Variants in LINGO2 observed in about 807,000 individuals in gnomAD.
LINGO2 encodes leucine-rich repeat and immunoglobulin-like domain-containing nogo receptor-interacting protein 2.
LINGO2 carries 14 observed loss-of-function variants against 30.6 expected under a neutral mutation model. The observed-to-expected ratio is 0.46, with a 90% CI of 0.30 to 0.72. The LOEUF is 0.72. Among genes scored for constraint, LINGO2 ranks in the 30% least tolerant of loss-of-function variants. LINGO2 has a pLI of 0.07. For synonymous variants in LINGO2, 317 were observed against 288.5 expected, an observed-to-expected ratio of 1.10 and a Z score of -1.00; for missense variants, 729 against 751.7, an observed-to-expected ratio of 0.97 and a Z score of 0.35.
At chr9:28,959,329 A>C in the LINGO2 span, among the ~76,000 whole-genome samples, 1 of 152,126 alleles carries the variant, frequency 6.6e-6, no homozygotes, top group East Asian at 1.9e-4. Flanking sequence ...TAAAGTAGAT[A>C]TAATAATTGG....
intron 2 of LINGO2, among the ~76,000 whole-genome samples, chr9:28,458,044 C>T (rs1824922159): frequency 6.6e-6 from 1 of 152,054 alleles, no homozygotes. Context: ...TGCTGTTCTG[C>T]TTAATAGTAT....
chr9:28,444,193 G>T (rs866994190), intron 2 of LINGO2, among the ~76,000 whole-genome samples: 1 of 152,158 alleles, frequency 6.6e-6, no homozygotes, highest in African/African-American at 2.4e-5. Context: ...CAAACAGTGG[G>T]AGGAAAGAAG....
the LINGO2 span, among the ~76,000 whole-genome samples, chr9:28,994,158 A>T: frequency 7.9e-5 from 12 of 152,168 alleles, no homozygotes; most frequent in African/African-American, 2.9e-4. Context: ...CTGATAAGCA[A>T]CTTCAGCAAA....
the LINGO2 span, among the ~76,000 whole-genome samples, chr9:28,865,505 G>T: frequency 6.6e-6 from 1 of 152,078 alleles, no homozygotes; most frequent in Non-Finnish European, 1.5e-5. Context: ...CACCCTGGCC[G>T]GGTGTGGTGG....
At chr9:29,021,288 G>A in the LINGO2 span, among the ~76,000 whole-genome samples, 10 of 152,182 alleles carry the variant, frequency 6.6e-5, no homozygotes, top group Non-Finnish European at 1.2e-4. Context: ...ATTTGAATGC[G>A]TCTGTGCCTC....
intron 4 of LINGO2, among the ~76,000 whole-genome samples, chr9:28,023,941 T>C (rs1343756737): frequency 6.6e-6 from 1 of 152,178 alleles, no homozygotes; most frequent in African/African-American, 2.4e-5. Flanking sequence ...ATGGTTCCAG[T>C]AGCATCTGTC....
At position 28,374,748 on chromosome 9, in the gene LINGO2, C is replaced by A. The variant is rs187350582; in HGVS notation, c.-278-1880G>T. ...AGCAGGTTTCAATATTCTATAATAA[C>A]CATTTTACTCCGCTTTCACAAATGA... On this transcript the variant is annotated intron_variant, in intron 2 of 5. Coordinates refer to ENST00000379992, the Ensembl canonical transcript of LINGO2. 6.6e-5 allele frequency among the ~76,000 whole-genome samples: 10 copies of A among 152,170 alleles called. No homozygotes were observed. In the East Asian group the frequency reaches 1.4e-3, roughly 21 times the overall value.
At chr9:29,051,277 T>C in the LINGO2 span, among the ~76,000 whole-genome samples, 1 of 152,132 alleles carries the variant, frequency 6.6e-6, no homozygotes, top group Non-Finnish European at 1.5e-5. Flanking sequence ...GCCCTAAAAA[T>C]CTTCCCTGTT....
At chr9:28,699,072 C>CAAAACAAAACAAAACAA in the LINGO2 span, among the ~76,000 whole-genome samples, 1 of 151,174 alleles carries the variant, frequency 6.6e-6, no homozygotes, top group African/African-American at 2.4e-5. Flanking sequence ...CAAAACAAAA[C>CAAAACAAAACAAAACAA]AACAAAAACA....
chr9:28,840,474 A>G, the LINGO2 span, among the ~76,000 whole-genome samples: 7 of 151,856 alleles, frequency 4.6e-5, no homozygotes, highest in Admixed American at 2.0e-4. Flanking sequence ...TTCTTCTATG[A>G]CATAACAACA....
At chr9:27,982,657 A>G (rs1445764464) in intron 5 of LINGO2, among the ~76,000 whole-genome samples, 1 of 151,908 alleles carries the variant, frequency 6.6e-6, no homozygotes, top group Non-Finnish European at 1.5e-5. Context: ...CTGTGATGTT[A>G]AAACTGAGTA....
the LINGO2 span, among the ~76,000 whole-genome samples, chr9:28,825,801 C>T: frequency 2.0e-5 from 3 of 152,098 alleles, no homozygotes. Flanking sequence ...CTAATTCATC[C>T]TACACTGTTC....
the LINGO2 span, among the ~76,000 whole-genome samples, chr9:29,160,686 C>A: frequency 1.3e-5 from 2 of 152,104 alleles, no homozygotes; most frequent in Non-Finnish European, 2.9e-5. Flanking sequence ...TGCTAAGGGA[C>A]AGATATATAT....
chr9:28,704,870 C>T, the LINGO2 span, among the ~76,000 whole-genome samples: 1 of 152,028 alleles, frequency 6.6e-6, no homozygotes, highest in Non-Finnish European at 1.5e-5. Flanking sequence ...AATTCCTGGT[C>T]TAATAATTCC....
the LINGO2 span, among the ~76,000 whole-genome samples, chr9:28,969,262 T>C: frequency 6.6e-6 from 1 of 152,204 alleles, no homozygotes; most frequent in Non-Finnish European, 1.5e-5. Context: ...GCACATCCCT[T>C]ATTGAAAAGG....
At chr9:27,993,029 A>G (rs1308831367) in intron 5 of LINGO2, among the ~76,000 whole-genome samples, 6 of 152,284 alleles carry the variant, frequency 3.9e-5, no homozygotes, top group African/African-American at 1.2e-4. Context: ...GTAGAAATCA[A>G]TCATTGTCTG....
intron 1 of LINGO2, among the ~76,000 whole-genome samples, chr9:28,649,816 GAAAC>G (rs1828009725): frequency 6.6e-6 from 1 of 152,038 alleles, no homozygotes; most frequent in Non-Finnish European, 1.5e-5. Flanking sequence ...TGCAGAATGT[GAAAC>G]AAACAGAAAA....
intron 5 of LINGO2, among the ~76,000 whole-genome samples, chr9:27,962,836 G>T (rs1488102631): frequency 1.3e-5 from 2 of 152,256 alleles, no homozygotes; most frequent in African/African-American, 4.8e-5. Flanking sequence ...AATCTATAGG[G>T]AGTTGACTAG....
chr9:28,700,000 C>T, the LINGO2 span, among the ~76,000 whole-genome samples: 55,671 of 151,814 alleles, frequency 0.37, 11,502 homozygotes, highest in African/African-American at 0.54. Flanking sequence ...TTTGCCCTGG[C>T]CCTGTTTCCT....
Sources: allele counts gnomAD v4.1 joint callset (sites outside exome capture counted in the v4.1 genomes callset), GRCh38; gene constraint gnomAD v4.1.1; transcripts MANE v1.5; gene names NCBI Gene and HGNC (gene_info 2026-07-23, HGNC 2026-07-21).